NGFR: variants seen among roughly 807,000 people sequenced by gnomAD.
The protein encoded by NGFR is tumor necrosis factor receptor superfamily member 16.
Under a neutral mutation model 43.2 loss-of-function variants are expected in NGFR, and 30 were observed. The ratio of observed to expected loss-of-function variants is 0.69; its 90% CI spans 0.52 to 0.94. NGFR has a LOEUF of 0.94. Ranked by LOEUF, NGFR falls within the 40% of genes least tolerant of loss-of-function variation. The probability of loss-of-function intolerance (pLI) is 0.00; values close to 1 mark genes in which losing one functional copy is unlikely to be tolerated. For missense variants in NGFR, 529 were observed against 602.5 expected (o/e 0.88, Z 1.28); for synonymous variants, 246 against 259.6 (o/e 0.95, Z 0.50).
rs779391823 is a variant in NGFR, at chr17:49,506,406, G to A, written c.316G>A (p.Val106Met). Residue 106 changes from valine to methionine, a missense_variant, in exon 3 of 6, where the codon GTG becomes ATG. Physicochemically the swap from Val to Met is conservative, Grantham distance 21 (BLOSUM62 1). Transcript: ENST00000172229. ...GCCGTGCGTGGAGGCCGACGACGCC[G>A]TGTGCCGCTGCGCCTACGGCTACTA... is the stretch of plus-strand genomic sequence containing the variant. ...SAPCVEADDA[V>M]CRCAYGYYQD... is the part of the protein sequence containing the mutation. 4 of 1,604,022 alleles carry A rather than the reference G, an allele frequency of 2.5e-6. No individual in the cohort carries two copies. Among genetic ancestry groups the A allele is most frequent in the Admixed American group, 1.7e-5 (1 of 59,812 alleles).
rs903677505 is a variant in NGFR, at chr17:49,506,420, C to G, written c.330C>G (p.Ala110=). Residue 110 remains alanine (A), a synonymous_variant, in exon 3 of 6, where the codon GCC becomes GCG. Coordinates refer to ENST00000172229, the MANE Select transcript of NGFR (RefSeq NM_002507.4). ...CCGACGACGCCGTGTGCCGCTGCGC[C>G]TACGGCTACTACCAGGATGAGACGA... is the stretch of plus-strand genomic sequence containing the variant. The part of the protein sequence containing the change: ...VEADDAVCRC[A]YGYYQDETTG... The G allele has an allele frequency of 5.0e-6, 8 of 1,606,204 alleles. No homozygotes were observed. The Middle Eastern group carries it at 8.3e-4, about 166-fold the overall frequency.
chr17:49,510,532 G>T lies in NGFR; in HGVS notation c.689G>T (p.Gly230Val). ...GACCTCATAGCCAGCACGGTGGCAG[G>T]TGTGGTGACCACAGTGATGGGCAGC... Reference protein sequence around the residue: ...EQDLIASTVAGVVTTVMGSSQ... With the variant: ...EQDLIASTVAVVVTTVMGSSQ... Residue 230 changes from glycine to valine, a missense_variant, in exon 4 of 6, where the codon GGT becomes GTT. Transcript: ENST00000172229. 1.9e-6 allele frequency: 3 copies of T among 1,614,086 alleles called. No homozygotes were observed. The highest frequency in any genetic ancestry group is 2.5e-6 in the Non-Finnish European group (3 of 1,180,016).
At chr17:49,510,772 A>C in intron 4 of NGFR, 108 bp downstream of exon 4, 4 of 1,397,362 alleles carry the variant, frequency 2.9e-6, no homozygotes, top group Non-Finnish European at 4.0e-6. Context: ...TCAACCCCAA[A>C]CCAAGCTCAT....
chr17:49,506,471 G>T lies in NGFR; in HGVS notation c.381G>T (p.Val127=). The T allele has an allele frequency of 6.2e-7, 1 of 1,610,054 alleles. No homozygotes were observed. Residue 127 remains valine, a synonymous_variant, in exon 3 of 6, where the codon GTG becomes GTT. Coordinates refer to ENST00000172229, the MANE Select transcript of NGFR (RefSeq NM_002507.4). ...CTGGGCGCTGCGAGGCGTGCCGCGT[G>T]TGCGAGGCGGGCTCGGGCCTCGTGT... ...ETTGRCEACR[V]CEAGSGLVFS... is the part of the protein sequence containing the mutation.
chr17:49,501,999 A>AAGCCCCCCCCCC, intron 1 of NGFR, 64 bp from the exon 2 acceptor site: 1 of 330,982 alleles, frequency 3.0e-6, no homozygotes, highest in Non-Finnish European at 5.9e-6. Context: ...TCCCCGGAAG[A>AAGCCCCCCCCCC]ACCCCCCCCA....
Position 49,513,248 on chromosome 17 carries a change from A to C in NGFR, c.*239A>C. On this transcript the variant is annotated 3_prime_UTR_variant, in exon 6 of 6. Coordinates refer to ENST00000172229, the MANE Select transcript of NGFR (RefSeq NM_002507.4). ...AGAGAAGTGCCCCTGCTGCCTCCCC[A>C]ACCCTGCCCCTGCCCCGTCACCATC... 6.0e-6 allele frequency: 3 copies of C among 499,316 alleles called. No homozygotes were observed. The highest frequency in any genetic ancestry group is 3.3e-5 in the East Asian group (1 of 30,434). The allele number at this position is 499,316 out of a possible 1,614,324, so 30.9% of individuals were successfully genotyped here.
At chr17:49,503,960 G>A (rs561394306) in intron 2 of NGFR, among the ~76,000 whole-genome samples, 1 of 152,282 alleles carries the variant, frequency 6.6e-6, no homozygotes, top group East Asian at 1.9e-4. Context: ...CTCTGGAAGG[G>A]AAGGGAGGCA....
intron 1 of NGFR, among the ~76,000 whole-genome samples, chr17:49,500,830 CT>C (rs1411755872): frequency 2.0e-5 from 3 of 152,002 alleles, no homozygotes; most frequent in African/African-American, 7.3e-5. Flanking sequence ...GTCTATCCCC[CT>C]GACTCCTCTG....
intron 2 of NGFR, among the ~76,000 whole-genome samples, chr17:49,502,890 ACCTTTCTTT>A (rs1464229315): frequency 6.5e-5 from 7 of 108,388 alleles, no homozygotes; most frequent in African/African-American, 1.8e-4. Flanking sequence ...CTCTTTCTTT[ACCTTTCTTT>A]CCTTTCTTTC....
At position 49,511,928 on chromosome 17, in the gene NGFR, C is replaced by A. The variant is rs1379121563; in HGVS notation, c.858C>A (p.Asn286Lys). 1 of 1,612,264 alleles carries A rather than the reference C, an allele frequency of 6.2e-7. No homozygotes were observed. The highest frequency in any genetic ancestry group is 1.1e-5 in the South Asian group (1 of 90,706). ...GCAAGCAGAACAAGCAAGGAGCCAACAGCCGGCCAGTGAACCAGACGCCCC... is the reference window on the plus strand; with the variant it reads ...GCAAGCAGAACAAGCAAGGAGCCAAAAGCCGGCCAGTGAACCAGACGCCCC... ...NSCKQNKQGA[N>K]SRPVNQTPPP... is the part of the protein sequence containing the mutation. The change falls in exon 5 of 6, where the codon AAC becomes AAA. Residue 286 changes from asparagine (N) to lysine (K), a missense_variant. By Grantham distance (94) the Asn-to-Lys change is moderately conservative. Coordinates refer to ENST00000172229, the MANE Select transcript of NGFR (RefSeq NM_002507.4).
At chr17:49,501,449 C>T (rs942894076) in intron 1 of NGFR, among the ~76,000 whole-genome samples, 1 of 152,216 alleles carries the variant, frequency 6.6e-6, no homozygotes, top group Admixed American at 6.5e-5. Context: ...CAAGCAAGAC[C>T]CCCAGTGTAG....
At chr17:49,502,748 A>G (rs1301622799) in intron 2 of NGFR, among the ~76,000 whole-genome samples, 1 of 151,732 alleles carries the variant, frequency 6.6e-6, no homozygotes, top group Middle Eastern at 3.2e-3. Flanking sequence ...CGCCATGAAG[A>G]CGTCCTTACT....
At position 49,510,461 on chromosome 17, in the gene NGFR, C is replaced by T; in HGVS notation, c.618C>T (p.Asp206=). 1.2e-6 allele frequency: 2 copies of T among 1,614,118 alleles called. No homozygotes were observed. Among genetic ancestry groups the T allele is most frequent in the Non-Finnish European group, 1.7e-6 (2 of 1,180,014 alleles). Residue 206 remains aspartate, a synonymous_variant, in exon 4 of 6, where the codon GAC becomes GAT. Transcript: ENST00000172229. ...GGTCCACACCCCCAGAGGGCTCGGACAGCACAGCCCCCAGCACCCAGGAGC... is the reference window on the plus strand; with the variant it reads ...GGTCCACACCCCCAGAGGGCTCGGATAGCACAGCCCCCAGCACCCAGGAGC... ...ITRSTPPEGS[D]STAPSTQEPE...
intron 1 of NGFR, chr17:49,497,313 G>A (rs1007932834): frequency 1.3e-5 from 2 of 152,354 alleles, no homozygotes; most frequent in Non-Finnish European, 2.9e-5. Context: ...TGCGTCCGGG[G>A]ATTTGGGAGC....
In NGFR at chr17:49,510,629, G is replaced by A. The variant is rs142996355; in HGVS notation, c.786G>A (p.Val262=). 4 of 1,613,762 alleles carry A rather than the reference G, an allele frequency of 2.5e-6. No individual in the cohort carries two copies. The African/African-American group carries it at 5.3e-5, about 22-fold the overall frequency. ...TCTATTGCTCCATCCTGGCTGCTGT[G>A]GTTGTGGGCCTTGTGGCCTACATAG... ...IPVYCSILAA[V]VVGLVAYIAF... is the part of the protein sequence containing the mutation. The change falls in exon 4 of 6, where the codon GTG becomes GTA. Residue 262 remains valine (V), a synonymous_variant. Coordinates refer to ENST00000172229, the MANE Select transcript of NGFR (RefSeq NM_002507.4).
intron 3 of NGFR, among the ~76,000 whole-genome samples, chr17:49,509,907 C>G (rs537630557): frequency 6.6e-6 from 1 of 152,122 alleles, no homozygotes; most frequent in South Asian, 2.1e-4. Flanking sequence ...ACCTGTGTAC[C>G]CTCTTCTTTC....
Position 49,514,686 on chromosome 17 carries a change from C to T in NGFR, c.*1677C>T, listed in dbSNP as rs893183198. 1 of 152,226 alleles carries T rather than the reference C, an allele frequency of 6.6e-6. No homozygotes were observed. Among genetic ancestry groups the T allele is most frequent in the Non-Finnish European group, 1.5e-5 (1 of 68,068 alleles). The allele number at this position is 152,226 out of a possible 1,614,324, so 9.4% of individuals were successfully genotyped here. A position where few individuals can be genotyped will look rare whatever the true frequency, so the allele number is the denominator to read the frequency against. ...CTCAACCTGTGATGAGGGGAGGAAA[C>T]TCACCTGCTGGCCCCTCACCTGGGC... On this transcript the variant is annotated 3_prime_UTR_variant, in exon 6 of 6. Coordinates refer to ENST00000172229, the MANE Select transcript of NGFR (RefSeq NM_002507.4).
Position 49,502,047 on chromosome 17 carries a change from A to C in NGFR, c.67-16A>C. The C allele has an allele frequency of 8.5e-7, 1 of 1,176,408 alleles. No homozygotes were observed. The highest frequency in any genetic ancestry group is 1.1e-6 in the Non-Finnish European group (1 of 915,942). 72.9% of individuals were successfully genotyped at this position (1,176,408 alleles called of 1,614,324 possible). ...TTTCTCTTGCCAGTCTGACCCTCCG[A>C]TCTCCCTCCATCCAGGTGTCCCTTG... On this transcript the variant is annotated splice_polypyrimidine_tract_variant and intron_variant, in intron 1 of 5. Coordinates refer to ENST00000172229, the MANE Select transcript of NGFR (RefSeq NM_002507.4).
At chr17:49,507,706 A>G (rs2071208313) in intron 3 of NGFR, among the ~76,000 whole-genome samples, 1 of 152,132 alleles carries the variant, frequency 6.6e-6, no homozygotes, top group African/African-American at 2.4e-5. Context: ...ACATTGAGCT[A>G]TTTCCCTTTG....
Sources: gnomAD v4.1 joint callset for allele counts (sites outside exome capture counted in the v4.1 genomes callset) on GRCh38, gnomAD v4.1.1 for gene constraint, MANE v1.5 for transcripts, NCBI Gene and HGNC (gene_info 2026-07-23, HGNC 2026-07-21) for gene names.